Variants in EXOC6 observed in about 807,000 individuals in gnomAD.
The protein encoded by EXOC6 is SEC15-like 1.
EXOC6 carries 60 observed loss-of-function variants against 112.5 expected under a neutral mutation model. That is an observed-to-expected ratio of 0.53 (90% CI 0.43 to 0.66). EXOC6 has a LOEUF of 0.66. Ranked by LOEUF, EXOC6 falls within the 30% of genes least tolerant of loss-of-function variation. EXOC6 has a pLI of 0.00. For missense variants in EXOC6, 855 were observed against 957.1 expected, an observed-to-expected ratio of 0.89 and a Z score of 1.41; for synonymous variants, 295 against 308.0, an observed-to-expected ratio of 0.96 and a Z score of 0.44.
intron 19 of EXOC6, among the ~76,000 whole-genome samples, chr10:93,002,667 T>G (rs1014434882): frequency 1.3e-5 from 2 of 152,346 alleles, no homozygotes; most frequent in Non-Finnish European, 2.9e-5. Context: ...AGCCAGTTGC[T>G]AATCCTCTGA....
intron 13 of EXOC6, among the ~76,000 whole-genome samples, chr10:92,944,919 T>C (rs528867626): frequency 6.6e-6 from 1 of 152,094 alleles, no homozygotes; most frequent in East Asian, 1.9e-4. Flanking sequence ...ATTACAGGCC[T>C]GCACCACCAC....
intron 20 of EXOC6, among the ~76,000 whole-genome samples, chr10:93,022,695 ATAGT>A (rs1486312853): frequency 2.6e-5 from 4 of 152,158 alleles, no homozygotes; most frequent in African/African-American, 7.2e-5. Flanking sequence ...TAGTTTACAA[ATAGT>A]TAAGTGGTGA....
intron 18 of EXOC6, among the ~76,000 whole-genome samples, chr10:92,996,701 A>G (rs1843509995): frequency 6.6e-6 from 1 of 152,236 alleles, no homozygotes; most frequent in African/African-American, 2.4e-5. Context: ...GCCATTTTTA[A>G]GAAAACAATT....
chr10:92,922,852 G>C (rs1293035992), intron 8 of EXOC6, among the ~76,000 whole-genome samples: 1 of 152,134 alleles, frequency 6.6e-6, no homozygotes, highest in Non-Finnish European at 1.5e-5. Context: ...AATATAGTGT[G>C]CGAATTGCTG....
At chr10:93,052,393 C>T (rs1416233795) in intron 20 of EXOC6, among the ~76,000 whole-genome samples, 1 of 152,182 alleles carries the variant, frequency 6.6e-6, no homozygotes, top group African/African-American at 2.4e-5. Flanking sequence ...AGTGATTCAA[C>T]TATTTTGAGC....
At chr10:92,876,171 A>T (rs1371213646) in intron 1 of EXOC6, among the ~76,000 whole-genome samples, 1 of 152,184 alleles carries the variant, frequency 6.6e-6, no homozygotes, top group Non-Finnish European at 1.5e-5. Flanking sequence ...TATGTTGCAC[A>T]TTTAAGTGGT....
intron 19 of EXOC6, among the ~76,000 whole-genome samples, chr10:93,012,530 A>G (rs1170323791): frequency 1.3e-5 from 2 of 152,256 alleles, no homozygotes; most frequent in Non-Finnish European, 2.9e-5. Flanking sequence ...AGCAAAAATT[A>G]TACAACAGCA....
chr10:92,941,063 C>T (rs1852641806), intron 13 of EXOC6, among the ~76,000 whole-genome samples: 1 of 152,142 alleles, frequency 6.6e-6, no homozygotes. Flanking sequence ...AAACTCTGTA[C>T]TCACTTAACA....
At chr10:92,909,399 T>C in intron 5 of EXOC6, 28 bp from the exon 6 acceptor site, 1 of 1,493,032 alleles carries the variant, frequency 6.7e-7, no homozygotes. Flanking sequence ...GAACTTTTTA[T>C]AGAGTTTTCT....
intron 1 of EXOC6, among the ~76,000 whole-genome samples, chr10:92,835,580 A>G (rs548805575): frequency 6.2e-5 from 9 of 145,044 alleles, no homozygotes; most frequent in Non-Finnish European, 1.4e-4. Flanking sequence ...GTGGAAGGAT[A>G]TGTGTGTGTG....
intron 1 of EXOC6, among the ~76,000 whole-genome samples, chr10:92,842,720 G>C (rs1400221778): frequency 6.6e-6 from 1 of 151,820 alleles, no homozygotes; most frequent in Non-Finnish European, 1.5e-5. Context: ...GGTGGGGTGG[G>C]GGGTGTGTTA....
At chr10:92,885,903 G>A (rs912502285) in intron 1 of EXOC6, among the ~76,000 whole-genome samples, 2 of 151,930 alleles carry the variant, frequency 1.3e-5, no homozygotes, top group African/African-American at 4.8e-5. Context: ...GAGCACTAAG[G>A]TATACTCTTA....
At chr10:92,940,309 T>C (rs1852584809) in intron 12 of EXOC6, among the ~76,000 whole-genome samples, 2 of 152,174 alleles carry the variant, frequency 1.3e-5, no homozygotes. Context: ...TGTGACAAAC[T>C]GAGTCTTAAA....
chr10:92,872,082 C>T (rs929646051), intron 1 of EXOC6, among the ~76,000 whole-genome samples: 1 of 151,548 alleles, frequency 6.6e-6, no homozygotes, highest in Non-Finnish European at 1.5e-5. Context: ...TTCTTTTATT[C>T]TTTTCCTAGC....
chr10:93,036,451 T>C (rs1340430450), intron 20 of EXOC6, among the ~76,000 whole-genome samples: 1 of 152,318 alleles, frequency 6.6e-6, no homozygotes, highest in Middle Eastern at 3.4e-3. Flanking sequence ...TTCTTTTTAA[T>C]TTCTTTGTAC....
At chr10:93,058,130 G>T in intron 21 of EXOC6, 93 bp from the exon 22 acceptor site, 1 of 1,123,314 alleles carries the variant, frequency 8.9e-7, no homozygotes, top group Non-Finnish European at 1.3e-6. Flanking sequence ...GGATTAGTGT[G>T]GGATAATTCA....
At chr10:92,973,800 T>G (rs1203927902) in intron 17 of EXOC6, among the ~76,000 whole-genome samples, 1 of 152,062 alleles carries the variant, frequency 6.6e-6, no homozygotes, top group Non-Finnish European at 1.5e-5. Context: ...GGAATTAATA[T>G]CTCATAAAGT....
chr10:92,851,180 A>C (rs1847311295), intron 1 of EXOC6, among the ~76,000 whole-genome samples: 1 of 152,236 alleles, frequency 6.6e-6, no homozygotes, highest in Non-Finnish European at 1.5e-5. Context: ...CTAAGAAACT[A>C]GGAAAAGAGG....
At chr10:92,917,247 G>A (rs1369980233) in intron 7 of EXOC6, among the ~76,000 whole-genome samples, 3 of 151,944 alleles carry the variant, frequency 2.0e-5, no homozygotes, top group Admixed American at 2.0e-4. Context: ...TTACAGGTGT[G>A]GGCCACTGCG....
Sources: gnomAD v4.1 joint callset for allele counts (sites outside exome capture counted in the v4.1 genomes callset) on GRCh38, gnomAD v4.1.1 for gene constraint, MANE v1.5 for transcripts, NCBI Gene and HGNC (gene_info 2026-07-23, HGNC 2026-07-21) for gene names.